Variants in ABCA10 observed in about 807,000 individuals in gnomAD.
The protein encoded by ABCA10 is ATP binding cassette subfamily A member 10, also known as ATP-binding cassette sub-family A member 10.
In ABCA10, 169 loss-of-function variants were observed where a neutral mutation model predicts 187.5. That is an observed-to-expected ratio of 0.90 (90% CI 0.80 to 1.02). The LOEUF is 1.02. Ranked by LOEUF, ABCA10 falls within the 50% of genes least tolerant of loss-of-function variation. ABCA10 has a pLI of 0.00. For missense variants in ABCA10, 1,727 were observed against 1,812.4 expected (o/e 0.95, Z 0.86); for synonymous variants, 574 against 601.8 (o/e 0.95, Z 0.68).
rs146566862 is a variant in ABCA10 at position 69,173,451 on chromosome 17, C to T, written c.3162+830G>A. Among the ~76,000 whole-genome samples, 1,508 of 152,126 alleles carry T rather than the reference C, an allele frequency of 9.9e-3. 9 individuals carry two copies. The highest frequency in any genetic ancestry group is 0.017 in the Non-Finnish European group (1,185 of 67,980). The stretch of plus-strand genomic sequence containing the variant: ...TGAAGTAAAACTTTGGTCCTTTTAC[C>T]CTAATCCCTTCACCCTGTCCACAGA... On this transcript the variant is annotated intron_variant, in intron 25 of 38. Transcript: ENST00000690296.
chr17:69,202,691 A>T (rs904177969), intron 9 of ABCA10, among the ~76,000 whole-genome samples: 4 of 152,162 alleles, frequency 2.6e-5, no homozygotes, highest in Non-Finnish European at 4.4e-5. Context: ...TTATACAGGG[A>T]TCTTTATCAA....
At chr17:69,166,550 A>C (rs1282462006) in intron 25 of ABCA10, among the ~76,000 whole-genome samples, 1 of 152,184 alleles carries the variant, frequency 6.6e-6, no homozygotes, top group Non-Finnish European at 1.5e-5. Flanking sequence ...TTGATGATCC[A>C]ACTTTTATAC....
Position 69,193,864 on chromosome 17 carries a change from T to G in ABCA10, c.1471A>C (p.Arg491=). 1 of 1,613,660 alleles carries G rather than the reference T, an allele frequency of 6.2e-7. No individual in the cohort carries two copies. Among genetic ancestry groups the G allele is most frequent in the East Asian group, 2.2e-5 (1 of 44,768 alleles). The change falls in exon 13 of 39, where the codon AGG becomes CGG. Residue 491 remains arginine (R), a synonymous_variant. Transcript: ENST00000690296. The part of the protein sequence containing the change: ...FDFLTVRENL[R]VFAKIKGIQP... ...ATCCCTTTTATTTTAGCAAATACCC[T>G]GAGGTTTTCTCTCACAGTGAGGAAG... is the stretch of plus-strand genomic sequence containing the variant.
At chr17:69,194,252 T>G in intron 12 of ABCA10, 133 bp downstream of exon 12, 1 of 789,592 alleles carries the variant, frequency 1.3e-6, no homozygotes, top group Non-Finnish European at 2.0e-6. Context: ...TATGTGCATA[T>G]GAAATCAATA....
In ABCA10 at chr17:69,222,560, C is replaced by A. The variant is rs772715913; in HGVS notation, c.172G>T (p.Val58Phe). 3.8e-6 allele frequency: 6 copies of A among 1,585,026 alleles called. 1 individual carries two copies. In the Admixed American group the frequency reaches 9.9e-5, roughly 26 times the overall value. Residue 58 changes from valine (V) to phenylalanine (F), a missense_variant, in exon 4 of 39, where the codon GTT becomes TTT. Coordinates refer to ENST00000690296, the MANE Select transcript of ABCA10 (RefSeq NM_001377321.1). ...LKFNWGYRIP[V>F]IKEHSEYTEH... The stretch of plus-strand genomic sequence containing the variant: ...GTGTATTCAGAGTGCTCCTTTATAA[C>A]TGGGATTCTATATCCCCAATTAAAC...
chr17:69,194,346 C>G, intron 12 of ABCA10, 39 bp downstream of exon 12: 1 of 1,543,222 alleles, frequency 6.5e-7, no homozygotes, highest in Non-Finnish European at 8.9e-7. Flanking sequence ...TTACAACTTG[C>G]TTTTTCAGCC....
intron 25 of ABCA10, among the ~76,000 whole-genome samples, chr17:69,169,465 T>C (rs1055976142): frequency 6.6e-6 from 1 of 152,202 alleles, no homozygotes; most frequent in Non-Finnish European, 1.5e-5. Context: ...ATTTATAGAT[T>C]CAATGCAATC....
chr17:69,230,494 A>G (rs1003957519), upstream of ABCA10, among the ~76,000 whole-genome samples: 1 of 150,634 alleles, frequency 6.6e-6, no homozygotes, highest in Non-Finnish European at 1.5e-5. Context: ...TTTCATTCTT[A>G]GCCTTTACAT....
At position 69,221,903 on chromosome 17, in the gene ABCA10, G is replaced by C. The variant is rs772079842; in HGVS notation, c.200-8C>G. ...GCATGGCCCAACAGTGTTCTTTAAGGAAGAAGAAAAACATGTCCATAGTTA... is the reference window on the plus strand; with the variant it reads ...GCATGGCCCAACAGTGTTCTTTAAGCAAGAAGAAAAACATGTCCATAGTTA... On this transcript the variant is annotated splice_polypyrimidine_tract_variant and splice_region_variant and intron_variant, in intron 4 of 38. Coordinates refer to ENST00000690296, the MANE Select transcript of ABCA10 (RefSeq NM_001377321.1). 1 of 1,588,828 alleles carries C rather than the reference G, an allele frequency of 6.3e-7. No individual in the cohort carries two copies. The highest frequency in any genetic ancestry group is 1.4e-5 in the African/African-American group (1 of 73,542).
chr17:69,208,908 G>T (rs2074613881), intron 9 of ABCA10, among the ~76,000 whole-genome samples: 1 of 152,158 alleles, frequency 6.6e-6, no homozygotes, highest in African/African-American at 2.4e-5. Flanking sequence ...CTGGTGTGGT[G>T]GCACATGTCT....
intron 27 of ABCA10, among the ~76,000 whole-genome samples, chr17:69,160,679 A>G (rs1447925762): frequency 2.0e-5 from 3 of 152,192 alleles, no homozygotes; most frequent in Non-Finnish European, 4.4e-5. Flanking sequence ...AATGGCCAAC[A>G]TTAAATGTCA....
Position 69,219,735 on chromosome 17 carries a change from A to T in ABCA10, c.340T>A (p.Ser114Thr), listed in dbSNP as rs1174313771. 1.2e-6 allele frequency: 2 copies of T among 1,605,974 alleles called. No individual in the cohort carries two copies. The highest frequency in any genetic ancestry group is 3.4e-5 in the Admixed American group (2 of 59,032). ...ATCTTCATATTTATTCCAATAACTG[A>T]TGTCAACTCCTCCATTACAGAATGA... ...TNHSVMEELTSVIGINMKIPP... is the reference protein window; with the variant it reads ...TNHSVMEELTTVIGINMKIPP... The change falls in exon 6 of 39, where the codon TCA (serine) becomes ACA (threonine). Residue 114 changes from serine (S) to threonine (T), a missense_variant. Transcript: ENST00000690296.
intron 18 of ABCA10, among the ~76,000 whole-genome samples, chr17:69,188,958 A>G (rs1391214924): frequency 1.3e-5 from 2 of 152,194 alleles, no homozygotes; most frequent in Non-Finnish European, 2.9e-5. Flanking sequence ...GGTTGATTCC[A>G]TGTCTCTGCT....
At chr17:69,242,002 C>T (rs569012507) in intron 1 of ABCA10, among the ~76,000 whole-genome samples, 1 of 152,132 alleles carries the variant, frequency 6.6e-6, no homozygotes, top group Non-Finnish European at 1.5e-5. Flanking sequence ...AGGATGCCTA[C>T]TTACTAAAGA....
chr17:69,193,442 T>A (rs773530988), intron 14 of ABCA10, 51 bp downstream of exon 14: 2 of 1,574,458 alleles, frequency 1.3e-6, no homozygotes, highest in South Asian at 2.4e-5. Flanking sequence ...TTAATAATAG[T>A]TGTATATCCT....
At chr17:69,218,709 C>T (rs1248128570) in intron 6 of ABCA10, among the ~76,000 whole-genome samples, 1 of 151,958 alleles carries the variant, frequency 6.6e-6, no homozygotes, top group Non-Finnish European at 1.5e-5. Context: ...TGTCTTTTAC[C>T]ATGCACTAAC....
chr17:69,201,685 C>G lies in ABCA10; in HGVS notation c.1007-17G>C. ...CATCTTTATCTAATTAATTAAGATA[C>G]AATTACATATTGCATCAATTATACC... On this transcript the variant is annotated splice_polypyrimidine_tract_variant and intron_variant, in intron 9 of 38. Transcript: ENST00000690296. 1 of 1,566,984 alleles carries G rather than the reference C, an allele frequency of 6.4e-7. No homozygotes were observed. The highest frequency in any genetic ancestry group is 8.7e-7 in the Non-Finnish European group (1 of 1,153,110).
intron 27 of ABCA10, among the ~76,000 whole-genome samples, chr17:69,162,540 G>A (rs549542678): frequency 6.6e-6 from 1 of 152,246 alleles, no homozygotes; most frequent in Non-Finnish European, 1.5e-5. Flanking sequence ...CATCAAACAA[G>A]GGCAATTCTG....
chr17:69,205,277 A>G (rs2074582759), intron 9 of ABCA10, among the ~76,000 whole-genome samples: 1 of 152,240 alleles, frequency 6.6e-6, no homozygotes, highest in Non-Finnish European at 1.5e-5. Flanking sequence ...ACTTCATCAA[A>G]TATTTATTGA....
Sources: allele counts gnomAD v4.1 joint callset (sites outside exome capture counted in the v4.1 genomes callset), GRCh38; gene constraint gnomAD v4.1.1; transcripts MANE v1.5; gene names NCBI Gene and HGNC (gene_info 2026-07-23, HGNC 2026-07-21).